Variants in ASIC2 observed in about 807,000 individuals in gnomAD.
ASIC2 encodes acid sensing ion channel subunit 2.
ASIC2 carries 25 observed loss-of-function variants against 57.3 expected under a neutral mutation model. That is an observed-to-expected ratio of 0.44 (90% CI 0.32 to 0.61). The LOEUF is 0.61. ASIC2 is among the 20% of genes least tolerant of loss of function. ASIC2 has a pLI of 0.06. For synonymous variants in ASIC2, 319 were observed against 307.5 expected, an observed-to-expected ratio of 1.04 and a Z score of -0.39; for missense variants, 641 against 738.1, an observed-to-expected ratio of 0.87 and a Z score of 1.52.
intron 2 of ASIC2, among the ~76,000 whole-genome samples, chr17:33,110,531 G>A (rs934349983): frequency 6.6e-6 from 1 of 152,254 alleles, no homozygotes; most frequent in Admixed American, 6.5e-5. Flanking sequence ...CACTGGCGCA[G>A]TGACATGTGT....
chr17:33,279,497 A>G (rs965255041), intron 1 of ASIC2, among the ~76,000 whole-genome samples: 2 of 152,190 alleles, frequency 1.3e-5, no homozygotes, highest in Non-Finnish European at 2.9e-5. Context: ...CGGTCAAGGT[A>G]TTAGGTGCTT....
intron 1 of ASIC2, among the ~76,000 whole-genome samples, chr17:33,699,761 G>A (rs933933395): frequency 2.6e-5 from 4 of 152,148 alleles, no homozygotes; most frequent in Admixed American, 6.5e-5. Flanking sequence ...ACAGAATTAG[G>A]TGTGAATACA....
intron 1 of ASIC2, chr17:33,932,540 C>T (rs748724706): frequency 2.0e-5 from 3 of 150,564 alleles, no homozygotes; most frequent in Admixed American, 1.3e-4. Context: ...ATGGAGAAAC[C>T]CTGTCTGTGC....
chr17:33,683,870 G>A lies in ASIC2; in HGVS notation c.555+472108C>T, dbSNP rs192713699. Reference sequence around the variant, plus strand: ...CGGATTAGGAGCCCACCCTTTTCCCGTAGGGCCTCATCTTGACTCTACCAA... The same window carrying A: ...CGGATTAGGAGCCCACCCTTTTCCCATAGGGCCTCATCTTGACTCTACCAA... On this transcript the variant is annotated intron_variant, in intron 1 of 9. Transcript: ENST00000359872. Among the ~76,000 whole-genome samples the A allele has an allele frequency of 1.1e-3, 160 of 152,234 alleles. 1 individual carries two copies. The highest frequency in any genetic ancestry group is 5.5e-3 in the Admixed American group (84 of 15,292).
At chr17:33,984,859 G>A (rs1905760089) in intron 1 of ASIC2, among the ~76,000 whole-genome samples, 1 of 152,202 alleles carries the variant, frequency 6.6e-6, no homozygotes, top group African/African-American at 2.4e-5. Context: ...GAAACAGAAG[G>A]CATGGATCAC....
At position 33,242,425 on chromosome 17, in the gene ASIC2, T is replaced by C. The variant is rs570927747; in HGVS notation, c.708+48983A>G. 4.6e-5 allele frequency among the ~76,000 whole-genome samples: 7 copies of C among 152,320 alleles called. No individual in the cohort carries two copies. In the South Asian group the frequency reaches 1.5e-3, roughly 32 times the overall value. ...GCCTGTGTTTTATAGCCCAGCACTA[T>C]GACCAGTTCTTTCCTAGTTAATCTT... On this transcript the variant is annotated intron_variant, in intron 1 of 9. Coordinates refer to ENST00000225823, the MANE Select transcript of ASIC2 (RefSeq NM_183377.2).
At chr17:33,297,276 A>C (rs745846402), upstream of ASIC2, among the ~76,000 whole-genome samples, 4 of 152,118 alleles carry the variant, frequency 2.6e-5, no homozygotes, top group Non-Finnish European at 2.9e-5. Context: ...ATCTCCTCGC[A>C]ATGTGATCCT....
intron 2 of ASIC2, among the ~76,000 whole-genome samples, chr17:33,103,609 G>A (rs2092223459): frequency 6.6e-6 from 1 of 152,088 alleles, no homozygotes; most frequent in South Asian, 2.1e-4. Flanking sequence ...TTCATTCTAG[G>A]GTGACCTAAC....
chr17:33,882,080 C>A (rs1474507327), intron 1 of ASIC2, among the ~76,000 whole-genome samples: 5 of 152,174 alleles, frequency 3.3e-5, no homozygotes, highest in Admixed American at 3.3e-4. Flanking sequence ...AAACTGGATC[C>A]CTTCCTTACA....
intron 1 of ASIC2, among the ~76,000 whole-genome samples, chr17:33,136,650 T>C (rs556096723): frequency 1.3e-5 from 2 of 152,344 alleles, no homozygotes; most frequent in Admixed American, 1.3e-4. Context: ...GGTATCTGAG[T>C]CTGAAGAAGG....
intron 1 of ASIC2, among the ~76,000 whole-genome samples, chr17:33,785,346 TC>T (rs1307160617): frequency 6.6e-6 from 1 of 152,198 alleles, no homozygotes; most frequent in Admixed American, 6.5e-5. Flanking sequence ...AGCCACTCAG[TC>T]TGTATTACTT....
chr17:33,347,875 G>C lies in ASIC2; in HGVS notation c.556-235808C>G, dbSNP rs570650270. Among the ~76,000 whole-genome samples, 23 of 152,304 alleles carry C rather than the reference G, an allele frequency of 1.5e-4. No homozygotes were observed. In the East Asian group the frequency reaches 4.4e-3, roughly 29 times the overall value. On this transcript the variant is annotated intron_variant, in intron 1 of 9. Coordinates refer to the ASIC2 transcript ENST00000359872. Reference sequence around the variant, plus strand: ...TCAGCACTTTGGGAGGCCGAGATGGGTGGATCACTTGAGGCCGGGAGTTCA... The same window carrying C: ...TCAGCACTTTGGGAGGCCGAGATGGCTGGATCACTTGAGGCCGGGAGTTCA...
chr17:33,684,145 A>T (rs1433915585), intron 1 of ASIC2, among the ~76,000 whole-genome samples: 1 of 152,182 alleles, frequency 6.6e-6, no homozygotes, highest in African/African-American at 2.4e-5. Flanking sequence ...ACTTCTAAGG[A>T]TCTTCCATAA....
At position 33,550,048 on chromosome 17, in the gene ASIC2, C is replaced by T. The variant is rs992553938; in HGVS notation, c.556-437981G>A. On this transcript the variant is annotated intron_variant, in intron 1 of 9. Transcript: ENST00000359872. ...TTTCATCTCAGAGCAACTCCTTATCCGAGCACAGTGGAAATTCAAATTTCA... is the reference window on the plus strand; with the variant it reads ...TTTCATCTCAGAGCAACTCCTTATCTGAGCACAGTGGAAATTCAAATTTCA... Among the ~76,000 whole-genome samples the T allele has an allele frequency of 1.4e-4, 22 of 152,108 alleles. No individual in the cohort carries two copies. The South Asian group carries it at 1.4e-3, about 10-fold the overall frequency.
At chr17:33,777,387 G>A (rs1911317556) in intron 1 of ASIC2, among the ~76,000 whole-genome samples, 1 of 152,184 alleles carries the variant, frequency 6.6e-6, no homozygotes, top group Non-Finnish European at 1.5e-5. Context: ...CATGATGAAG[G>A]CAGCCAGGAG....
At chr17:33,452,701 C>G (rs766829228) in intron 1 of ASIC2, among the ~76,000 whole-genome samples, 2 of 149,830 alleles carry the variant, frequency 1.3e-5, no homozygotes, top group Non-Finnish European at 1.5e-5. Flanking sequence ...GCTACTGTCT[C>G]TAAAGATTGA....
At chr17:33,290,665 C>A (rs1905384806) in intron 1 of ASIC2, 1 of 152,228 alleles carries the variant, frequency 6.6e-6, no homozygotes, top group African/African-American at 2.4e-5. Context: ...GACCAGAAGA[C>A]CCACACTTAC....
intron 1 of ASIC2, chr17:34,146,830 G>A (rs919006583): frequency 3.9e-5 from 6 of 152,202 alleles, no homozygotes; most frequent in Non-Finnish European, 8.8e-5. Context: ...ACGCATGGAA[G>A]ACCCAGAGTG....
intron 1 of ASIC2, among the ~76,000 whole-genome samples, chr17:33,804,499 A>C (rs547120599): frequency 6.6e-6 from 1 of 152,288 alleles, no homozygotes; most frequent in African/African-American, 2.4e-5. Context: ...TGAGTGCAGG[A>C]AAAAAGAACC....
Sources: gnomAD v4.1 joint callset for allele counts (sites outside exome capture counted in the v4.1 genomes callset) on GRCh38, gnomAD v4.1.1 for gene constraint, MANE v1.5 for transcripts, NCBI Gene and HGNC (gene_info 2026-07-23, HGNC 2026-07-21) for gene names.